The following GRIA1 variants were observed in gnomAD, a reference collection of about 807,000 sequenced individuals.
GRIA1 encodes glutamate ionotropic receptor AMPA type subunit 1, also known as glutamate receptor 1.
GRIA1 carries 31 observed loss-of-function variants against 99.2 expected under a neutral mutation model. The observed-to-expected ratio is 0.31, with a 90% CI of 0.23 to 0.42. GRIA1 has a LOEUF of 0.42. GRIA1 is among the 10% of genes least tolerant of loss of function. The pLI is 1.00. For synonymous variants in GRIA1, 438 were observed against 432.4 expected, an observed-to-expected ratio of 1.01 and a Z score of -0.16; for missense variants, 782 against 1,157.5, an observed-to-expected ratio of 0.68 and a Z score of 4.71.
At chr5:153,667,551 C>T (rs1755837115) in intron 5 of GRIA1, among the ~76,000 whole-genome samples, 1 of 152,182 alleles carries the variant, frequency 6.6e-6, no homozygotes, top group Admixed American at 6.5e-5. Flanking sequence ...TAATAGCTAA[C>T]ATTCATTAAG....
At chr5:153,592,244 G>T (rs1234127925) in intron 2 of GRIA1, among the ~76,000 whole-genome samples, 1 of 152,214 alleles carries the variant, frequency 6.6e-6, no homozygotes, top group Non-Finnish European at 1.5e-5. Flanking sequence ...GGTGGTAAAG[G>T]TCAGAGAGTG....
intron 11 of GRIA1, among the ~76,000 whole-genome samples, chr5:153,760,158 C>G (rs1457928091): frequency 6.6e-6 from 1 of 152,044 alleles, no homozygotes; most frequent in Non-Finnish European, 1.5e-5. Flanking sequence ...CCACTGTCCC[C>G]ACTTCTATTC....
chr5:153,656,237 G>C (rs1422299402), intron 5 of GRIA1, among the ~76,000 whole-genome samples: 2 of 152,000 alleles, frequency 1.3e-5, no homozygotes, highest in Non-Finnish European at 2.9e-5. Flanking sequence ...TTTGACCCCA[G>C]TGATAGTTTT....
At chr5:153,628,448 G>A (rs1581362669) in intron 2 of GRIA1, among the ~76,000 whole-genome samples, 1 of 152,176 alleles carries the variant, frequency 6.6e-6, no homozygotes, top group South Asian at 2.1e-4. Flanking sequence ...CTTCTTCATG[G>A]CATTGTGATT....
intron 11 of GRIA1, among the ~76,000 whole-genome samples, chr5:153,736,271 G>T (rs960984765): frequency 6.6e-6 from 1 of 152,198 alleles, no homozygotes; most frequent in South Asian, 2.1e-4. Flanking sequence ...AAGGAGTTAC[G>T]TAATTCTTTC....
At chr5:153,800,653 C>T (rs1057349857) in intron 14 of GRIA1, among the ~76,000 whole-genome samples, 3 of 152,336 alleles carry the variant, frequency 2.0e-5, no homozygotes, top group South Asian at 2.1e-4. Context: ...GATAATCCTA[C>T]AGCTCTGCTG....
intron 11 of GRIA1, among the ~76,000 whole-genome samples, chr5:153,750,391 T>G (rs1200058014): frequency 6.6e-6 from 1 of 152,190 alleles, no homozygotes; most frequent in African/African-American, 2.4e-5. Context: ...TTGCACTCAG[T>G]GACCTCTTGA....
chr5:153,682,912 A>G (rs1757079916), intron 7 of GRIA1, among the ~76,000 whole-genome samples: 1 of 152,254 alleles, frequency 6.6e-6, no homozygotes, highest in Non-Finnish European at 1.5e-5. Flanking sequence ...AAGGAAATAT[A>G]TGCTTCAGCC....
intron 7 of GRIA1, among the ~76,000 whole-genome samples, chr5:153,682,484 C>T (rs895164685): frequency 3.3e-5 from 5 of 152,160 alleles, no homozygotes; most frequent in African/African-American, 9.7e-5. Context: ...CTTGCTAAGT[C>T]GGTTTAGCAA....
chr5:153,629,395 T>C (rs1256344270), intron 2 of GRIA1, among the ~76,000 whole-genome samples: 2 of 152,128 alleles, frequency 1.3e-5, no homozygotes, highest in South Asian at 4.1e-4. Flanking sequence ...TGTCTCAGCA[T>C]TGAAGAAAGT....
chr5:153,803,479 G>C (rs1766193197), intron 15 of GRIA1, among the ~76,000 whole-genome samples: 1 of 152,196 alleles, frequency 6.6e-6, no homozygotes, highest in Non-Finnish European at 1.5e-5. Flanking sequence ...CTTCCACAAA[G>C]AATGGGCACA....
intron 3 of GRIA1, among the ~76,000 whole-genome samples, chr5:153,648,093 T>C (rs1332819207): frequency 6.6e-6 from 1 of 152,222 alleles, no homozygotes; most frequent in Non-Finnish European, 1.5e-5. Context: ...AGTACTGATG[T>C]GGTTGCCTGC....
rs539894225 is a variant in GRIA1 at position 153,626,072 on chromosome 5, T to C, written c.221-20856T>C. 1.4e-4 allele frequency among the ~76,000 whole-genome samples: 21 copies of C among 152,322 alleles called. 1 individual carries two copies. In the South Asian group the frequency reaches 4.4e-3, roughly 32 times the overall value. On this transcript the variant is annotated intron_variant, in intron 2 of 15. Transcript: ENST00000285900. ...ACTCTGCAGATGAGCTTTGTGTCCC[T>C]GGGAAAGTCTTTTCAGCCTCTGACC...
chr5:153,729,314 G>A (rs1332171776), intron 11 of GRIA1, among the ~76,000 whole-genome samples: 1 of 151,804 alleles, frequency 6.6e-6, no homozygotes, highest in Non-Finnish European at 1.5e-5. Context: ...CAGCACACCA[G>A]CATGGCACAT....
chr5:153,700,033 A>G (rs1040021039), intron 10 of GRIA1, among the ~76,000 whole-genome samples: 1 of 152,244 alleles, frequency 6.6e-6, no homozygotes, highest in Non-Finnish European at 1.5e-5. Context: ...GCTAAGGGCT[A>G]ACTAGAGTTT....
At chr5:153,768,368 G>T (rs1763656317) in intron 12 of GRIA1, among the ~76,000 whole-genome samples, 1 of 152,104 alleles carries the variant, frequency 6.6e-6, no homozygotes, top group East Asian at 1.9e-4. Flanking sequence ...CTATGGAATG[G>T]ATGGGGAAAC....
At chr5:153,698,748 A>T (rs140420366) in intron 9 of GRIA1, 119 bp from the exon 10 acceptor site, 5 of 686,390 alleles carry the variant, frequency 7.3e-6, no homozygotes, top group Non-Finnish European at 1.3e-5. Flanking sequence ...AAGTGAATTG[A>T]GGGGCTAGAG....
At position 153,714,126 on chromosome 5, in the gene GRIA1, G is replaced by C. The variant is rs192994163; in HGVS notation, c.1823+8059G>C. ...TAGCATAGGAGTGGAAGTCAGCCGG[G>C]GGCTGTGGTGAACGGCACATGCATG... On this transcript the variant is annotated intron_variant, in intron 11 of 15. Coordinates refer to ENST00000285900, the MANE Select transcript of GRIA1 (RefSeq NM_000827.4). Among the ~76,000 whole-genome samples, 3 of 152,268 alleles carry C rather than the reference G, an allele frequency of 2.0e-5. 1 individual carries two copies. Among genetic ancestry groups the C allele is most frequent in the Admixed American group, 2.0e-4 (3 of 15,300 alleles).
intron 11 of GRIA1, among the ~76,000 whole-genome samples, chr5:153,762,309 A>C (rs1763237900): frequency 6.6e-6 from 1 of 152,214 alleles, no homozygotes; most frequent in African/African-American, 2.4e-5. Context: ...TGTCAGTTGA[A>C]AACAAAATAA....
Sources: allele counts gnomAD v4.1 joint callset (sites outside exome capture counted in the v4.1 genomes callset), GRCh38; gene constraint gnomAD v4.1.1; transcripts MANE v1.5; gene names NCBI Gene and HGNC (gene_info 2026-07-23, HGNC 2026-07-21).